The following TRMT9B variants were observed in gnomAD, a reference collection of about 807,000 sequenced individuals.
TRMT9B encodes the protein probable tRNA methyltransferase 9B.
In TRMT9B, 16 loss-of-function variants were observed where a neutral mutation model predicts 11.5. That is an observed-to-expected ratio of 1.39 (90% CI 0.94 to 2.11). The LOEUF (loss-of-function observed/expected upper bound fraction) is 2.11. TRMT9B is among the 30% of genes most tolerant of loss of function. The pLI, the probability that TRMT9B is intolerant of heterozygous loss-of-function variation, is 0.00. For synonymous variants in TRMT9B, 274 were observed against 192.4 expected (o/e 1.42, Z -3.51); for missense variants, 941 against 553.8 (o/e 1.70, Z -7.02).
In TRMT9B at chr8:13,012,741, A is replaced by G; in HGVS notation, c.212A>G (p.Asp71Gly). 1.2e-6 allele frequency: 2 copies of G among 1,613,986 alleles called. No homozygotes were observed. Among genetic ancestry groups the G allele is most frequent in the African/African-American group, 1.3e-5 (1 of 75,042 alleles). ...VNSQVHTVGC[D>G]YCGPLVEIAR... is the part of the protein sequence containing the mutation. ...AGCCAGGTACATACCGTGGGCTGTG[A>G]CTACTGTGGGCCACTGGTAGAGATT... Residue 71 changes from aspartate (D) to glycine (G), a missense_variant, in exon 4 of 5, where the codon GAC becomes GGC. Asp to Gly is a moderately conservative substitution (Grantham distance 94). Transcript: ENST00000524591.
chr8:13,001,500 C>A (rs866350358), intron 2 of TRMT9B, among the ~76,000 whole-genome samples: 42 of 152,286 alleles, frequency 2.8e-4, no homozygotes, highest in Middle Eastern at 6.8e-3. Flanking sequence ...TAACATACTT[C>A]ACTAAAACTA....
intron 2 of TRMT9B, among the ~76,000 whole-genome samples, chr8:12,999,298 C>CAAA (rs71207111): frequency 8.4e-5 from 4 of 47,602 alleles, no homozygotes; most frequent in Middle Eastern, 0.012. Flanking sequence ...GACTCCATCT[C>CAAA]AAAAAAAAAA....
intron 1 of TRMT9B, among the ~76,000 whole-genome samples, chr8:12,990,379 A>C (rs1331825825): frequency 2.6e-5 from 4 of 152,200 alleles, no homozygotes; most frequent in Non-Finnish European, 5.9e-5. Flanking sequence ...ACTCTTATGA[A>C]GAAGAAAAAT....
chr8:12,968,804 C>T (rs1054746363), intron 1 of TRMT9B, among the ~76,000 whole-genome samples: 3 of 152,150 alleles, frequency 2.0e-5, no homozygotes, highest in Non-Finnish European at 4.4e-5. Flanking sequence ...GGGTAGAGAG[C>T]CATGCTGTTC....
chr8:12,975,187 G>A (rs1055563604), intron 1 of TRMT9B, among the ~76,000 whole-genome samples: 8 of 152,016 alleles, frequency 5.3e-5, no homozygotes, highest in Admixed American at 5.2e-4. Context: ...AGTACAGATA[G>A]TTCATCCTCA....
chr8:12,984,950 AACATACAC>A (rs1358357652), intron 1 of TRMT9B, among the ~76,000 whole-genome samples: 159 of 112,374 alleles, frequency 1.4e-3, no homozygotes, highest in African/African-American at 5.0e-3. Flanking sequence ...CACCTCCCTC[AACATACAC>A]ACACACACAC....
chr8:12,970,955 C>G (rs546767261), intron 1 of TRMT9B, among the ~76,000 whole-genome samples: 1 of 152,272 alleles, frequency 6.6e-6, no homozygotes, highest in East Asian at 1.9e-4. Flanking sequence ...AGGAGAGGCA[C>G]TTTAGAAAGT....
At chr8:12,959,067 A>G (rs1801692311) in intron 1 of TRMT9B, among the ~76,000 whole-genome samples, 2 of 152,164 alleles carry the variant, frequency 1.3e-5, no homozygotes, top group Non-Finnish European at 2.9e-5. Flanking sequence ...TGTTGTGCAC[A>G]TGTACCCTAG....
chr8:12,983,465 T>C (rs1256316250), intron 1 of TRMT9B, among the ~76,000 whole-genome samples: 1 of 151,310 alleles, frequency 6.6e-6, no homozygotes, highest in Non-Finnish European at 1.5e-5. Context: ...AGGTCAGGAG[T>C]TTGAGACCAG....
intron 3 of TRMT9B, chr8:13,011,381 C>T (rs762861406): frequency 1.0e-6 from 1 of 985,150 alleles, no homozygotes; most frequent in Non-Finnish European, 1.2e-6. Flanking sequence ...TTGAAAGTGC[C>T]TAGTAAGGAG....
intron 1 of TRMT9B, among the ~76,000 whole-genome samples, chr8:12,976,419 G>A (rs748277206): frequency 6.6e-6 from 1 of 150,820 alleles, no homozygotes; most frequent in African/African-American, 2.4e-5. Flanking sequence ...GCAACGTTGT[G>A]TGAGATACTA....
At chr8:12,966,159 A>C (rs1346044198) in intron 1 of TRMT9B, among the ~76,000 whole-genome samples, 1 of 140,246 alleles carries the variant, frequency 7.1e-6, no homozygotes, top group Non-Finnish European at 1.6e-5. Flanking sequence ...GACCCCCCCC[A>C]TCTCTACAGA....
intron 2 of TRMT9B, among the ~76,000 whole-genome samples, chr8:13,002,780 A>G (rs1809687823): frequency 6.6e-6 from 1 of 152,188 alleles, no homozygotes; most frequent in Non-Finnish European, 1.5e-5. Context: ...ATAGTCTCAA[A>G]GTCTCTCTCC....
chr8:13,018,789 A>T (rs912205551), intron 4 of TRMT9B, among the ~76,000 whole-genome samples: 2 of 152,210 alleles, frequency 1.3e-5, no homozygotes, highest in Admixed American at 6.5e-5. Context: ...GAACGAAGTT[A>T]TCTAACTCGT....
In TRMT9B at chr8:12,994,207, G is replaced by A. The variant is rs186388104; in HGVS notation, c.-2+3176G>A. On this transcript the variant is annotated intron_variant, in intron 2 of 4. Coordinates refer to ENST00000524591, the MANE Select transcript of TRMT9B (RefSeq NM_020844.3). Reference sequence around the variant, plus strand: ...TCTAAAACGTCTGCGACTGCAAATAGTGGTCATATGTGTGTGCATGGTCTC... The same window carrying A: ...TCTAAAACGTCTGCGACTGCAAATAATGGTCATATGTGTGTGCATGGTCTC... 9.8e-5 allele frequency among the ~76,000 whole-genome samples: 15 copies of A among 152,316 alleles called. No homozygotes were observed. In the East Asian group the frequency reaches 2.9e-3, roughly 29 times the overall value.
intron 3 of TRMT9B, among the ~76,000 whole-genome samples, chr8:13,009,610 G>C (rs940549301): frequency 3.9e-5 from 6 of 152,024 alleles, no homozygotes; most frequent in African/African-American, 1.5e-4. Context: ...GTGAGAGTGT[G>C]ATGGGTAATT....
intron 1 of TRMT9B, among the ~76,000 whole-genome samples, chr8:12,950,428 T>G (rs1800506585): frequency 6.6e-6 from 1 of 152,206 alleles, no homozygotes; most frequent in African/African-American, 2.4e-5. Flanking sequence ...GTCTTCTGTG[T>G]CCGAAGACAT....
intron 1 of TRMT9B, among the ~76,000 whole-genome samples, chr8:12,980,585 G>A (rs371053366): frequency 2.6e-5 from 4 of 152,122 alleles, no homozygotes; most frequent in South Asian, 2.1e-4. Flanking sequence ...AGAAAATGCC[G>A]TGAGATATTA....
At chr8:12,984,340 C>G (rs1277238484) in intron 1 of TRMT9B, among the ~76,000 whole-genome samples, 1 of 152,144 alleles carries the variant, frequency 6.6e-6, no homozygotes, top group African/African-American at 2.4e-5. Context: ...CCATGAGTGC[C>G]TCTTTGGGAG....
Sources: gnomAD v4.1 joint callset for allele counts (sites outside exome capture counted in the v4.1 genomes callset) on GRCh38, gnomAD v4.1.1 for gene constraint, MANE v1.5 for transcripts, NCBI Gene and HGNC (gene_info 2026-07-23, HGNC 2026-07-21) for gene names.